FAM118A: variants seen among roughly 807,000 people sequenced by gnomAD.
FAM118A encodes SIR2 antiphage like 2.
A neutral mutation model predicts 38.2 loss-of-function variants in FAM118A; 25 were observed. The ratio of observed to expected loss-of-function variants is 0.65; its 90% CI spans 0.48 to 0.91. The LOEUF is 0.91. Ranked by LOEUF, FAM118A falls within the 40% of genes least tolerant of loss-of-function variation. The pLI is 0.00. For synonymous variants in FAM118A, 178 were observed against 184.1 expected (o/e 0.97, Z 0.27); for missense variants, 425 against 463.3 (o/e 0.92, Z 0.76).
intron 7 of FAM118A, among the ~76,000 whole-genome samples, chr22:45,336,105 T>C (rs2086074817): frequency 6.6e-6 from 1 of 152,222 alleles, no homozygotes; most frequent in Non-Finnish European, 1.5e-5. Context: ...CGTTGCCACC[T>C]ATTCCCATGC....
chr22:45,337,677 G>A (rs370579602), intron 8 of FAM118A, among the ~76,000 whole-genome samples: 23 of 151,988 alleles, frequency 1.5e-4, no homozygotes, highest in African/African-American at 4.8e-4. Context: ...GGTCGGCTCC[G>A]CTGGGGACTG....
chr22:45,340,128 A>C (rs2086385280), intron 8 of FAM118A, among the ~76,000 whole-genome samples: 1 of 152,228 alleles, frequency 6.6e-6, no homozygotes, highest in South Asian at 2.1e-4. Context: ...GAAATAAAAG[A>C]GCATCCATGT....
chr22:45,315,038 C>T (rs1023170193), intron 1 of FAM118A, among the ~76,000 whole-genome samples: 9 of 152,210 alleles, frequency 5.9e-5, no homozygotes, highest in Non-Finnish European at 1.0e-4. Context: ...GCGTGTAAAA[C>T]GCTTAGCATT....
intron 8 of FAM118A, among the ~76,000 whole-genome samples, chr22:45,337,270 A>G (rs1191567153): frequency 6.6e-6 from 1 of 152,208 alleles, no homozygotes; most frequent in African/African-American, 2.4e-5. Context: ...TGATTGTAAA[A>G]GTTGGCAAAC....
chr22:45,331,111 T>A (rs922263292), intron 5 of FAM118A, among the ~76,000 whole-genome samples: 4 of 152,200 alleles, frequency 2.6e-5, no homozygotes, highest in African/African-American at 9.7e-5. Context: ...TTGTCCTTGT[T>A]CTTCCAGGCT....
At chr22:45,337,845 A>G in intron 8 of FAM118A, 4 of 985,358 alleles carry the variant, frequency 4.1e-6, no homozygotes, top group Non-Finnish European at 4.8e-6. Context: ...TGTCTGTGCC[A>G]TCCTCATGCT....
chr22:45,328,510 C>T (rs1328978603), intron 4 of FAM118A: 4 of 774,044 alleles, frequency 5.2e-6, no homozygotes, highest in Non-Finnish European at 9.5e-6. Context: ...CGCCTGCCTG[C>T]AGTCCCCGCT....
chr22:45,332,063 A>G (rs925260750), intron 5 of FAM118A, among the ~76,000 whole-genome samples: 9 of 152,166 alleles, frequency 5.9e-5, no homozygotes, highest in Non-Finnish European at 1.5e-5. Context: ...ATCGTACCCA[A>G]TTTGAGAAGA....
chr22:45,328,660 G>A, intron 4 of FAM118A: 3 of 576,634 alleles, frequency 5.2e-6, no homozygotes, highest in Non-Finnish European at 9.3e-6. Flanking sequence ...AATGGAAAGT[G>A]GCACACTGGC....
chr22:45,312,907 C>A (rs374989454), intron 1 of FAM118A, among the ~76,000 whole-genome samples: 1 of 152,106 alleles, frequency 6.6e-6, no homozygotes, highest in South Asian at 2.1e-4. Flanking sequence ...TTTATGGAGA[C>A]GACTTAAGCA....
chr22:45,340,544 T>C lies in FAM118A; in HGVS notation c.*139T>C, dbSNP rs2086412521. 1 of 1,035,562 alleles carries C rather than the reference T, an allele frequency of 9.7e-7. No homozygotes were observed. The highest frequency in any genetic ancestry group is 1.9e-5 in the Admixed American group (1 of 53,984). 64.1% of individuals were successfully genotyped at this position (1,035,562 alleles called of 1,614,324 possible). ...ATACACCAAGAGAGCCACATGGGCA[T>C]GTGGCCCTCAAGGCTGGGTGAGAGG... On this transcript the variant is annotated 3_prime_UTR_variant, in exon 9 of 9. Transcript: ENST00000441876.
rs751161162 is a variant in FAM118A at position 45,328,012 on chromosome 22, CCGG to C, written c.476_478del (p.Arg159del). The C allele has an allele frequency of 6.2e-7, 1 of 1,609,550 alleles. No individual in the cohort carries two copies. Among genetic ancestry groups the C allele is most frequent in the South Asian group, 1.1e-5 (1 of 90,618 alleles). ...ATGACAACCTGCTGGAGGCCTTTGG[CCGG>C]CGGCAGAACAAGCCCATGGAGTCCC... On this transcript the variant is annotated inframe_deletion, in exon 4 of 9. Transcript: ENST00000441876.
chr22:45,313,047 G>A (rs1450954910), intron 1 of FAM118A, among the ~76,000 whole-genome samples: 4 of 152,156 alleles, frequency 2.6e-5, no homozygotes, highest in South Asian at 4.1e-4. Flanking sequence ...CTGGTGATAA[G>A]CCCCCTTCTG....
rs935333006 is a variant in FAM118A at position 45,320,390 on chromosome 22, C to CA, written c.-9-1978dup. On this transcript the variant is annotated intron_variant, in intron 1 of 8. Coordinates refer to ENST00000441876, the MANE Select transcript of FAM118A (RefSeq NM_017911.4). Reference sequence around the variant, plus strand: ...AAAGCGAGACTCCATCAAAAAAAAACAAACAAACACGTAATTTTTCTTTTT... The same window carrying CA: ...AAAGCGAGACTCCATCAAAAAAAAACAAAACAAACACGTAATTTTTCTTTTT... Among the ~76,000 whole-genome samples, 5 of 146,174 alleles carry CA rather than the reference C, an allele frequency of 3.4e-5. No individual in the cohort carries two copies. In the East Asian group the frequency reaches 8.6e-4, roughly 25 times the overall value.
chr22:45,323,229 C>G lies in FAM118A; in HGVS notation c.102C>G (p.Ile34Met), dbSNP rs766402586. ...AGCCCCAGGAACTGCTCCTGGTTATCGGGACTGGCGTCAGCGCAGCAGTGG... is the reference window on the plus strand; with the variant it reads ...AGCCCCAGGAACTGCTCCTGGTTATGGGGACTGGCGTCAGCGCAGCAGTGG... ...RKQPQELLLVIGTGVSAAVAP... is the reference protein window; with the variant it reads ...RKQPQELLLVMGTGVSAAVAP... The change falls in exon 3 of 9, where the codon ATC (isoleucine) becomes ATG (methionine). Residue 34 changes from isoleucine to methionine, a missense_variant. Ile to Met is a conservative substitution (Grantham distance 10). Coordinates refer to ENST00000441876, the MANE Select transcript of FAM118A (RefSeq NM_017911.4). The G allele has an allele frequency of 1.9e-6, 3 of 1,614,134 alleles. No individual in the cohort carries two copies. In the African/African-American group the frequency reaches 4.0e-5, roughly 22 times the overall value.
intron 8 of FAM118A, among the ~76,000 whole-genome samples, 167 bp from the exon 9 acceptor site, chr22:45,340,219 C>G (rs936963242): frequency 6.6e-6 from 1 of 152,198 alleles, no homozygotes; most frequent in South Asian, 2.1e-4. Flanking sequence ...GATAATTACA[C>G]AAGGTCATTT....
At chr22:45,314,250 A>G (rs1461253869) in intron 1 of FAM118A, among the ~76,000 whole-genome samples, 1 of 152,336 alleles carries the variant, frequency 6.6e-6, no homozygotes, top group African/African-American at 2.4e-5. Flanking sequence ...TTGAATGATA[A>G]GCACACTGTG....
upstream of FAM118A, chr22:45,309,295 T>C (rs1262681408): frequency 6.6e-6 from 1 of 152,078 alleles, no homozygotes; most frequent in Non-Finnish European, 1.5e-5. Flanking sequence ...GGCCATGGTG[T>C]GCCCAGCGCC....
rs1398926446 is a variant in FAM118A, at chr22:45,323,316, A to G, written c.189A>G (p.Ala63=). The change falls in exon 3 of 9, where the codon GCA becomes GCG. Residue 63 remains alanine (A), a synonymous_variant. Coordinates refer to ENST00000441876, the MANE Select transcript of FAM118A (RefSeq NM_017911.4). ...RSCIEAVIEA[A]EQLEVLHPGD... ...GCATCGAGGCCGTCATCGAGGCTGC[A>G]GAGCAGCTGGAGGTGCTGCACCCCG... 2.5e-6 allele frequency: 4 copies of G among 1,614,084 alleles called. No individual in the cohort carries two copies. Among genetic ancestry groups the G allele is most frequent in the Non-Finnish European group, 3.4e-6 (4 of 1,180,018 alleles).
Sources: allele counts gnomAD v4.1 joint callset (sites outside exome capture counted in the v4.1 genomes callset), GRCh38; gene constraint gnomAD v4.1.1; transcripts MANE v1.5; gene names NCBI Gene and HGNC (gene_info 2026-07-23, HGNC 2026-07-21).